The following EML6 variants were observed in gnomAD, a reference collection of about 807,000 sequenced individuals.
EML6 encodes the protein echinoderm microtubule-associated protein-like 6.
In EML6, 154 loss-of-function variants were observed where a neutral mutation model predicts 240.1. The observed-to-expected ratio is 0.64, with a 90% CI of 0.56 to 0.73. The LOEUF (loss-of-function observed/expected upper bound fraction) is 0.73. EML6 is among the 30% of genes least tolerant of loss of function. EML6 has a pLI of 0.00. For missense variants in EML6, 2,964 were observed against 2,474.6 expected (o/e 1.20, Z -4.20); for synonymous variants, 1,148 against 899.0 (o/e 1.28, Z -4.95).
chr2:54,782,126 A>G (rs1036311551), intron 2 of EML6, among the ~76,000 whole-genome samples: 11 of 152,238 alleles, frequency 7.2e-5, no homozygotes, highest in South Asian at 2.1e-4. Flanking sequence ...AACATTTAAA[A>G]TAAGTCTATG....
intron 3 of EML6, among the ~76,000 whole-genome samples, chr2:54,815,090 T>G (rs1213082599): frequency 5.3e-5 from 8 of 152,258 alleles, no homozygotes; most frequent in Non-Finnish European, 1.2e-4. Flanking sequence ...CTTTATCAAT[T>G]TGTTCTGAAG....
At position 54,806,571 on chromosome 2, in the gene EML6, C is replaced by T. The variant is rs113068303; in HGVS notation, c.198-6661C>T. Among the ~76,000 whole-genome samples, 220 of 127,764 alleles carry T rather than the reference C, an allele frequency of 1.7e-3. 2 individuals carry two copies. Among genetic ancestry groups the T allele is most frequent in the Middle Eastern group, 0.011 (2 of 180 alleles). The allele number at this position is 127,764 out of a possible 152,430, so 83.8% of individuals were successfully genotyped here. ...GAGGTTGCAGTGAGCTGAGATCACGCCCTTGCACTCCAGCCTGGGCAACAA... is the reference window on the plus strand; with the variant it reads ...GAGGTTGCAGTGAGCTGAGATCACGTCCTTGCACTCCAGCCTGGGCAACAA... On this transcript the variant is annotated intron_variant, in intron 2 of 41. Coordinates refer to ENST00000356458, the MANE Select transcript of EML6 (RefSeq NM_001039753.4).
At chr2:54,767,094 C>A (rs1055586763) in intron 2 of EML6, among the ~76,000 whole-genome samples, 1 of 152,088 alleles carries the variant, frequency 6.6e-6, no homozygotes, top group African/African-American at 2.4e-5. Flanking sequence ...CAAAATTACC[C>A]TCCTTGAATG....
intron 2 of EML6, among the ~76,000 whole-genome samples, chr2:54,729,028 T>G (rs1683038449): frequency 6.6e-6 from 1 of 152,202 alleles, no homozygotes; most frequent in African/African-American, 2.4e-5. Context: ...ATACTTGAGT[T>G]TGAACCTAGG....
chr2:54,939,335 G>T (rs1479019065), intron 28 of EML6, among the ~76,000 whole-genome samples: 1 of 152,226 alleles, frequency 6.6e-6, no homozygotes, highest in Non-Finnish European at 1.5e-5. Context: ...CTGCATCTCA[G>T]TGGTGTTGAG....
Position 54,872,397 on chromosome 2 carries a change from T to TA in EML6, c.2344+795dup, listed in dbSNP as rs778455189. Among the ~76,000 whole-genome samples, 10 of 152,292 alleles carry TA rather than the reference T, an allele frequency of 6.6e-5. No homozygotes were observed. In the South Asian group the frequency reaches 2.1e-3, roughly 32 times the overall value. ...TAATAAGTATAACGTGTAATATTAT[T>TA]AAATTCCATGACTCCACAAGCCTGA... is the stretch of plus-strand genomic sequence containing the variant. On this transcript the variant is annotated intron_variant, in intron 16 of 41. Coordinates refer to ENST00000356458, the MANE Select transcript of EML6 (RefSeq NM_001039753.4).
chr2:54,789,513 C>CAAAAAAAAAAAAAAAAAAAAAAAA (rs576842183), intron 2 of EML6, among the ~76,000 whole-genome samples: 1 of 77,898 alleles, frequency 1.3e-5, no homozygotes, highest in Non-Finnish European at 2.5e-5. Flanking sequence ...GACTTCGTCT[C>CAAAAAAAAAAAAAAAAAAAAAAAA]AAAAAAAAAA....
chr2:54,815,120 G>A (rs1240329765), intron 3 of EML6, among the ~76,000 whole-genome samples: 20 of 152,204 alleles, frequency 1.3e-4, no homozygotes, highest in Non-Finnish European at 1.5e-5. Context: ...AAAATGTAAT[G>A]CAGCAGAGGA....
chr2:54,892,519 G>C lies in EML6; in HGVS notation c.2605G>C (p.Val869Leu), dbSNP rs1672526529. ...SVGKLETMMCVSYGRMEDLVF... is the reference protein window; with the variant it reads ...SVGKLETMMCLSYGRMEDLVF... ...TGGAAAATTGGAAACAATGATGTGT[G>C]TTTCTTACGGACGAATGGAAGATCT... The change falls in exon 19 of 42, where the codon GTT becomes CTT. Residue 869 changes from valine (V) to leucine (L), a missense_variant. By Grantham distance (32) the Val-to-Leu change is conservative. Coordinates refer to ENST00000356458, the MANE Select transcript of EML6 (RefSeq NM_001039753.4). 1 of 1,551,286 alleles carries C rather than the reference G, an allele frequency of 6.4e-7. No homozygotes were observed. Among genetic ancestry groups the C allele is most frequent in the Non-Finnish European group, 8.7e-7 (1 of 1,146,784 alleles).
chr2:54,891,269 T>C (rs1009235387), intron 18 of EML6, 115 bp downstream of exon 18: 2 of 537,232 alleles, frequency 3.7e-6, no homozygotes, highest in African/African-American at 3.7e-5. Flanking sequence ...AAAATAAAAA[T>C]GTGCCTAAAA....
intron 15 of EML6, among the ~76,000 whole-genome samples, chr2:54,870,435 C>T (rs894499016): frequency 4.0e-5 from 6 of 150,324 alleles, no homozygotes; most frequent in Non-Finnish European, 7.4e-5. Flanking sequence ...AAAGGATCCA[C>T]AGCTTTTAAA....
At chr2:54,914,817 C>G (rs1249827590) in intron 25 of EML6, among the ~76,000 whole-genome samples, 1 of 151,842 alleles carries the variant, frequency 6.6e-6, no homozygotes, top group Non-Finnish European at 1.5e-5. Flanking sequence ...TCATGGTAAA[C>G]TAATAAAAAG....
chr2:54,817,016 A>G (rs971237607), intron 4 of EML6, 131 bp downstream of exon 4: 12 of 605,688 alleles, frequency 2.0e-5, no homozygotes, highest in Non-Finnish European at 3.0e-5. Context: ...ACTTATAATC[A>G]TCCTCTTTTT....
chr2:54,947,074 C>A (rs1186726458), intron 28 of EML6, among the ~76,000 whole-genome samples: 2 of 152,026 alleles, frequency 1.3e-5, no homozygotes, highest in Non-Finnish European at 1.5e-5. Flanking sequence ...TGAAATCGAG[C>A]CCTGTGTTTA....
intron 30 of EML6, 46 bp downstream of exon 30, chr2:54,950,825 TACA>T (rs1254082785): frequency 2.6e-6 from 4 of 1,533,124 alleles, no homozygotes; most frequent in Non-Finnish European, 3.5e-6. Context: ...AGCTGTTTTT[TACA>T]TGCTTTCCCC....
At chr2:54,930,924 C>G (rs895501066) in intron 28 of EML6, among the ~76,000 whole-genome samples, 1 of 149,888 alleles carries the variant, frequency 6.7e-6, no homozygotes, top group Non-Finnish European at 1.5e-5. Flanking sequence ...TTAGGGGAGA[C>G]TGAACCTCAG....
chr2:54,790,994 G>C (rs559432386), intron 2 of EML6, among the ~76,000 whole-genome samples: 23 of 152,236 alleles, frequency 1.5e-4, no homozygotes, highest in African/African-American at 5.1e-4. Context: ...CAAAGTGCTG[G>C]AATTACAGGC....
chr2:54,912,420 C>G (rs1573128047), intron 25 of EML6, among the ~76,000 whole-genome samples: 1 of 152,090 alleles, frequency 6.6e-6, no homozygotes, highest in East Asian at 1.9e-4. Context: ...TTAATTTCAG[C>G]TTTGATTTTA....
rs186724108 is a variant in EML6, at chr2:54,970,398, C to T, written c.*303C>T. 492 of 354,186 alleles carry T rather than the reference C, an allele frequency of 1.4e-3. 1 individual carries two copies. The highest frequency in any genetic ancestry group is 5.0e-3 in the Admixed American group (122 of 24,408). 21.9% of individuals were successfully genotyped at this position (354,186 alleles called of 1,614,324 possible). A position where few individuals can be genotyped will look rare whatever the true frequency, so the allele number is the denominator to read the frequency against. ...AGAAATCCTATCTGATAATGTAGCC[C>T]GCTGACGAATTTTGAAGCCTCGGTT... On this transcript the variant is annotated 3_prime_UTR_variant, in exon 42 of 42. Coordinates refer to ENST00000356458, the MANE Select transcript of EML6 (RefSeq NM_001039753.4).
Sources: gnomAD v4.1 joint callset for allele counts (sites outside exome capture counted in the v4.1 genomes callset) on GRCh38, gnomAD v4.1.1 for gene constraint, MANE v1.5 for transcripts, NCBI Gene and HGNC (gene_info 2026-07-23, HGNC 2026-07-21) for gene names.